The following PABPC1 variants were observed in gnomAD, a reference collection of about 807,000 sequenced individuals.
PABPC1 encodes poly(A) binding protein cytoplasmic 1, also known as polyadenylate-binding protein 1.
PABPC1 carries 4 observed loss-of-function variants against 74.0 expected under a neutral mutation model. The observed-to-expected ratio is 0.05, with a 90% CI of 0.03 to 0.12. The LOEUF (loss-of-function observed/expected upper bound fraction) is 0.12, where lower values mean the gene tolerates loss of function less well. Among genes scored for constraint, PABPC1 ranks in the 10% least tolerant of loss-of-function variants. The pLI is 1.00. For synonymous variants in PABPC1, 227 were observed against 264.1 expected (o/e 0.86, Z 1.36); for missense variants, 271 against 821.1 (o/e 0.33, Z 8.19).
chr8:100,707,802 T>C (rs1037770449), intron 9 of PABPC1, among the ~76,000 whole-genome samples: 31 of 152,204 alleles, frequency 2.0e-4, no homozygotes, highest in African/African-American at 7.5e-4. Flanking sequence ...GTCTGCTAAA[T>C]AGTGGGTGTT....
At chr8:100,718,866 A>C (rs1487459082) in intron 1 of PABPC1, among the ~76,000 whole-genome samples, 1 of 152,220 alleles carries the variant, frequency 6.6e-6, no homozygotes, top group Non-Finnish European at 1.5e-5. Context: ...CATTTAAGAA[A>C]ATGAAAGGCT....
In PABPC1 at chr8:100,722,038, GC is replaced by G. The variant is rs1810849213; in HGVS notation, c.-456del. 3 of 153,192 alleles carry G rather than the reference GC, an allele frequency of 2.0e-5. No individual in the cohort carries two copies. The highest frequency in any genetic ancestry group is 4.8e-5 in the African/African-American group (2 of 41,352). The allele number at this position is 153,192 out of a possible 1,614,324, so 9.5% of individuals were successfully genotyped here. A position where few individuals can be genotyped will look rare whatever the true frequency, so the allele number is the denominator to read the frequency against. On this transcript the variant is annotated 5_prime_UTR_variant, in exon 1 of 15. Transcript: ENST00000318607. ...TTTTAATAATAAATGTGTGTTCCGA[GC>G]CCGGAGCACACACTCCGCACTCTCA...
In PABPC1 at chr8:100,712,465, G is replaced by A; in HGVS notation, c.877-8C>T. On this transcript the variant is annotated splice_polypyrimidine_tract_variant and splice_region_variant and intron_variant, in intron 6 of 14. Transcript: ENST00000318607. ...CACATAAAGATTAACACCCTAAAAAGAAGAAAAGAAAACTATAGAAAAAGA... is the reference window on the plus strand; with the variant it reads ...CACATAAAGATTAACACCCTAAAAAAAAGAAAAGAAAACTATAGAAAAAGA... The A allele has an allele frequency of 1.5e-6, 2 of 1,352,362 alleles. No individual in the cohort carries two copies. Among genetic ancestry groups the A allele is most frequent in the Non-Finnish European group, 1.0e-6 (1 of 981,076 alleles). 83.8% of individuals were successfully genotyped at this position (1,352,362 alleles called of 1,614,324 possible).
At chr8:100,716,397 T>C (rs1416265499) in intron 3 of PABPC1, among the ~76,000 whole-genome samples, 1 of 151,938 alleles carries the variant, frequency 6.6e-6, no homozygotes, top group African/African-American at 2.4e-5. Flanking sequence ...AGACCATGTC[T>C]CAAAAATATA....
At chr8:100,705,815 G>T in intron 11 of PABPC1, 142 bp from the exon 12 acceptor site, 1 of 651,902 alleles carries the variant, frequency 1.5e-6, no homozygotes, top group Non-Finnish European at 2.8e-6. Context: ...TTAGAAAGAA[G>T]CCAAAGTAGT....
chr8:100,705,011 G>A lies in PABPC1; in HGVS notation c.1733C>T (p.Ala578Val). Residue 578 changes from alanine (A) to valine (V), a missense_variant, in exon 13 of 15, where the codon GCT (alanine) becomes GTT (valine). By Grantham distance (64) the Ala-to-Val change is moderately conservative. Around this residue, in one of 7 missense-constraint regions of PABPC1, gnomAD observed 103 missense variants for 245.3 expected, o/e 0.42. Coordinates refer to ENST00000318607, the MANE Select transcript of PABPC1 (RefSeq NM_002568.4). ...CAACAACATGCCAGTGATTTTACCA[G>A]CAAGAGTAGGGTGCATGGCTTGAAT... ...PLIQAMHPTLAGKITGMLLEI... is the reference protein window; with the variant it reads ...PLIQAMHPTLVGKITGMLLEI... 1.9e-6 allele frequency: 3 copies of A among 1,613,938 alleles called. No individual in the cohort carries two copies. Among genetic ancestry groups the A allele is most frequent in the Non-Finnish European group, 2.5e-6 (3 of 1,179,940 alleles).
chr8:100,718,693 A>G (rs2129753990), intron 1 of PABPC1, among the ~76,000 whole-genome samples: 1 of 152,334 alleles, frequency 6.6e-6, no homozygotes, highest in South Asian at 2.1e-4. Context: ...GAAGTAGTTT[A>G]TAGATTTAAA....
intron 4 of PABPC1, 52 bp downstream of exon 4, chr8:100,715,410 C>T (rs936514943): frequency 5.4e-6 from 8 of 1,476,098 alleles, no homozygotes; most frequent in Non-Finnish European, 7.3e-6. Context: ...AAAATTAACA[C>T]TGAGCACTAA....
chr8:100,703,941 G>C (rs1184164920), intron 14 of PABPC1, among the ~76,000 whole-genome samples: 1 of 151,776 alleles, frequency 6.6e-6, no homozygotes, highest in Non-Finnish European at 1.5e-5. Flanking sequence ...GTTAATCCCA[G>C]CTGCTCGGGA....
At chr8:100,707,791 G>A (rs764535567) in intron 9 of PABPC1, among the ~76,000 whole-genome samples, 9 of 152,192 alleles carry the variant, frequency 5.9e-5, no homozygotes, top group African/African-American at 1.4e-4. Flanking sequence ...TCCCTTTCCC[G>A]GTCTGCTAAA....
chr8:100,708,737 G>A (rs1166398054), intron 9 of PABPC1, among the ~76,000 whole-genome samples: 2 of 152,096 alleles, frequency 1.3e-5, no homozygotes, highest in African/African-American at 2.4e-5. Context: ...TTAGCTGGGC[G>A]TGGTGGCGGG....
chr8:100,713,325 G>A (rs1215776615), intron 4 of PABPC1, 144 bp from the exon 5 acceptor site: 30 of 500,352 alleles, frequency 6.0e-5, no homozygotes, highest in Non-Finnish European at 9.4e-5. Flanking sequence ...GCCCCAGGTA[G>A]GTATACTTTT....
rs572304701 is a variant in PABPC1 at position 100,721,903 on chromosome 8, T to C, written c.-320A>G. 10 of 286,518 alleles carry C rather than the reference T, an allele frequency of 3.5e-5. No individual in the cohort carries two copies. The highest frequency in any genetic ancestry group is 2.0e-4 in the African/African-American group (9 of 46,062). 17.7% of individuals were successfully genotyped at this position (286,518 alleles called of 1,614,324 possible). A position where few individuals can be genotyped will look rare whatever the true frequency, so the allele number is the denominator to read the frequency against. On this transcript the variant is annotated 5_prime_UTR_variant, in exon 1 of 15. Transcript: ENST00000318607. This position sits in a 1 kb window ranked among gnomAD's most constrained non-coding sequence, Gnocchi z 7.4. ...CGGTCTCGGCTGCTTCACCGGGTTA[T>C]TTTATAAAAGAGGAAGAAAAAAAAT...
intron 6 of PABPC1, 29 bp downstream of exon 6, chr8:100,712,623 T>A (rs960995696): frequency 6.3e-7 from 1 of 1,593,086 alleles, no homozygotes. Flanking sequence ...CATCCCTGTC[T>A]TATTTTGGTT....
chr8:100,718,346 T>C (rs981538321), intron 1 of PABPC1, 66 bp from the exon 2 acceptor site: 1 of 1,295,218 alleles, frequency 7.7e-7, no homozygotes. Context: ...TAAGATTATA[T>C]AAACTATGGT....
chr8:100,705,116 A>G (rs1810347541), intron 12 of PABPC1, 60 bp from the exon 13 acceptor site: 1 of 1,406,352 alleles, frequency 7.1e-7, no homozygotes. Context: ...ACTGCATTGA[A>G]TTACCACATT....
chr8:100,718,876 T>C (rs532963225), intron 1 of PABPC1, among the ~76,000 whole-genome samples: 39 of 152,338 alleles, frequency 2.6e-4, no homozygotes, highest in African/African-American at 8.4e-4. Flanking sequence ...AATGAAAGGC[T>C]AGACCAAGAT....
At chr8:100,720,469 T>A (rs1407720832) in intron 1 of PABPC1, among the ~76,000 whole-genome samples, 1 of 152,210 alleles carries the variant, frequency 6.6e-6, no homozygotes, top group South Asian at 2.1e-4. Flanking sequence ...ATAAGACTGG[T>A]CCAGTTGGAA....
At chr8:100,718,323 T>G in intron 1 of PABPC1, 43 bp from the exon 2 acceptor site, 1 of 1,536,712 alleles carries the variant, frequency 6.5e-7, no homozygotes, top group Non-Finnish European at 8.9e-7. Context: ...CTTCAAAATT[T>G]TTGCTGGCTA....
Sources: allele counts gnomAD v4.1 joint callset (sites outside exome capture counted in the v4.1 genomes callset), GRCh38; gene constraint gnomAD v4.1.1; regional missense constraint gnomAD v4.1.1; non-coding constraint Gnocchi (gnomAD v3.1); transcripts MANE v1.5; gene names NCBI Gene and HGNC (gene_info 2026-07-23, HGNC 2026-07-21).